The following BLTP3B variants were observed in gnomAD, a reference collection of about 807,000 sequenced individuals.
The protein encoded by BLTP3B is UHRF1 (ICBP90) binding protein 1-like.
At chr12:100,132,820 T>C in the BLTP3B span, among the ~76,000 whole-genome samples, 8 of 152,130 alleles carry the variant, frequency 5.3e-5, no homozygotes, top group Non-Finnish European at 1.0e-4. Flanking sequence ...TGGTGGCACA[T>C]GACTGTAATC....
chr12:100,107,618 A>G, the BLTP3B span, among the ~76,000 whole-genome samples: 75 of 152,224 alleles, frequency 4.9e-4, no homozygotes, highest in African/African-American at 1.8e-3. Flanking sequence ...CTGGTGACAG[A>G]GCAAGACTCC....
the BLTP3B span, among the ~76,000 whole-genome samples, chr12:100,122,696 G>A: frequency 2.6e-5 from 4 of 152,260 alleles, no homozygotes; most frequent in South Asian, 8.3e-4. Context: ...AGCCAAAGCA[G>A]GCCCTTGAGC....
chr12:100,059,410 G>A, the BLTP3B span: 1 of 1,613,988 alleles, frequency 6.2e-7, no homozygotes, highest in Non-Finnish European at 8.5e-7. Flanking sequence ...AAAGCTTCTA[G>A]GTCAGAATGT....
chr12:100,142,737 G>A, the BLTP3B span: 3 of 1,506,672 alleles, frequency 2.0e-6, no homozygotes, highest in Admixed American at 4.1e-5. Context: ...CGGCGGAGAG[G>A]CGCTGATCGC....
chr12:100,112,789 G>A, the BLTP3B span, among the ~76,000 whole-genome samples: 1 of 151,618 alleles, frequency 6.6e-6, no homozygotes, highest in African/African-American at 2.4e-5. Context: ...GAACCCGGGA[G>A]GCGGAGGTGG....
the BLTP3B span, among the ~76,000 whole-genome samples, chr12:100,083,728 T>A: frequency 1.6e-4 from 25 of 151,692 alleles, no homozygotes; most frequent in South Asian, 1.7e-3. Context: ...CTGTACCTCA[T>A]AAATACGTAC....
chr12:100,106,731 C>T, the BLTP3B span, among the ~76,000 whole-genome samples: 1 of 152,100 alleles, frequency 6.6e-6, no homozygotes, highest in Non-Finnish European at 1.5e-5. Flanking sequence ...ACAAAAACCA[C>T]TTGTATCTCT....
At chr12:100,101,539 C>T in the BLTP3B span, among the ~76,000 whole-genome samples, 12 of 152,206 alleles carry the variant, frequency 7.9e-5, no homozygotes, top group East Asian at 3.9e-4. Flanking sequence ...TTAATGTGAA[C>T]GCAAAAATAA....
chr12:100,122,355 G>A, the BLTP3B span, among the ~76,000 whole-genome samples: 1 of 152,130 alleles, frequency 6.6e-6, no homozygotes, highest in African/African-American at 2.4e-5. Flanking sequence ...GAGAGGTTAA[G>A]TCAAATGCTG....
chr12:100,052,333 G>A, the BLTP3B span, among the ~76,000 whole-genome samples: 1 of 152,134 alleles, frequency 6.6e-6, no homozygotes, highest in Non-Finnish European at 1.5e-5. Context: ...GTGAGCCACT[G>A]TGTCTGGCCC....
chr12:100,048,640 T>C, the BLTP3B span, among the ~76,000 whole-genome samples: 1 of 151,392 alleles, frequency 6.6e-6, no homozygotes, highest in Non-Finnish European at 1.5e-5. Context: ...CCTCATTAAA[T>C]TGGGTCCTCA....
chr12:100,139,167 T>C, the BLTP3B span, among the ~76,000 whole-genome samples: 1 of 152,228 alleles, frequency 6.6e-6, no homozygotes, highest in Non-Finnish European at 1.5e-5. Context: ...AAACTTTTTA[T>C]TAACAACTGG....
the BLTP3B span, among the ~76,000 whole-genome samples, chr12:100,089,529 C>T: frequency 2.0e-5 from 3 of 152,074 alleles, no homozygotes; most frequent in Admixed American, 2.0e-4. Context: ...CACTGCACTC[C>T]AGCCTGGGTA....
At chr12:100,142,536 T>C in the BLTP3B span, 5 of 1,577,422 alleles carry the variant, frequency 3.2e-6, no homozygotes, top group Non-Finnish European at 4.3e-6. Flanking sequence ...GCAGGCTGAC[T>C]CCAGTGCGGG....
the BLTP3B span, chr12:100,047,429 C>A: frequency 1.2e-6 from 1 of 811,280 alleles, no homozygotes. Flanking sequence ...ACCAGGGAGG[C>A]AGAGGTTTGC....
chr12:100,072,093 T>G, the BLTP3B span, among the ~76,000 whole-genome samples: 2 of 152,044 alleles, frequency 1.3e-5, no homozygotes, highest in African/African-American at 4.8e-5. Flanking sequence ...AAACCCTGTC[T>G]CTAGTAAAAC....
the BLTP3B span, among the ~76,000 whole-genome samples, chr12:100,140,868 T>G: frequency 2.6e-5 from 4 of 151,108 alleles, no homozygotes; most frequent in African/African-American, 9.7e-5. Context: ...TACTTTGGTA[T>G]GCATGCTCTT....
the BLTP3B span, among the ~76,000 whole-genome samples, chr12:100,139,273 A>C: frequency 6.6e-6 from 1 of 152,232 alleles, no homozygotes; most frequent in Admixed American, 6.5e-5. Flanking sequence ...AGAATCTGTT[A>C]ATCTCTTAAG....
chr12:100,104,884 C>CAAAAAAAAAAAAAAAAAAAAAAA, the BLTP3B span, among the ~76,000 whole-genome samples: 1 of 66,000 alleles, frequency 1.5e-5, no homozygotes, highest in Non-Finnish European at 2.8e-5. Context: ...ACTGCTACTA[C>CAAAAAAAAAAAAAAAAAAAAAAA]AAAAAAAAAA....
Sources: gnomAD v4.1 joint callset for allele counts (sites outside exome capture counted in the v4.1 genomes callset) on GRCh38, gnomAD v4.1.1 for gene constraint, MANE v1.5 for transcripts, NCBI Gene and HGNC (gene_info 2026-07-23, HGNC 2026-07-21) for gene names.